Variants in RALGAPA1 observed in about 807,000 individuals in gnomAD.
RALGAPA1 encodes the protein Ral GTPase activating protein catalytic subunit alpha 1.
Under a neutral mutation model 269.6 loss-of-function variants are expected in RALGAPA1, and 52 were observed. The ratio of observed to expected loss-of-function variants is 0.19; its 90% confidence interval spans 0.15 to 0.24. The LOEUF is 0.24. Ranked by LOEUF, RALGAPA1 falls within the 10% of genes least tolerant of loss-of-function variation. RALGAPA1 has a pLI of 1.00. For synonymous variants in RALGAPA1, 817 were observed against 1,008.3 expected, an observed-to-expected ratio of 0.81 and a Z score of 3.60; for missense variants, 1,917 against 3,013.9, an observed-to-expected ratio of 0.64 and a Z score of 8.52.
At chr14:35,775,516 G>C (rs2141560317) in intron 2 of RALGAPA1, 119 bp downstream of exon 2, 2 of 1,286,548 alleles carry the variant, frequency 1.6e-6, no homozygotes, top group Non-Finnish European at 2.1e-6. Flanking sequence ...GTGTGAGAGG[G>C]AAAGCAAAAA....
intron 12 of RALGAPA1, among the ~76,000 whole-genome samples, chr14:35,733,537 C>T (rs868851873): frequency 1.4e-4 from 22 of 152,070 alleles, no homozygotes; most frequent in Middle Eastern, 6.8e-3. Context: ...ACAATAATGA[C>T]ACAATCTATC....
chr14:35,728,565 TTA>T, intron 12 of RALGAPA1, 55 bp from the exon 13 acceptor site: 2 of 1,514,400 alleles, frequency 1.3e-6, no homozygotes, highest in Non-Finnish European at 1.8e-6. Context: ...GGCAAATTTC[TTA>T]TTCAAAGAGA....
At chr14:35,796,981 G>A (rs1434198710) in intron 1 of RALGAPA1, among the ~76,000 whole-genome samples, 3 of 152,050 alleles carry the variant, frequency 2.0e-5, no homozygotes, top group South Asian at 2.1e-4. Context: ...TAGAGACAGG[G>A]TTTCACCGTG....
chr14:35,801,972 C>G (rs1384960766), intron 1 of RALGAPA1, among the ~76,000 whole-genome samples: 1 of 152,178 alleles, frequency 6.6e-6, no homozygotes, highest in South Asian at 2.1e-4. Context: ...ACTGTATTTG[C>G]AGACTGATTC....
rs1595346239 is a variant in RALGAPA1 at position 35,728,653 on chromosome 14, T to C, written c.1588-143A>G. On this transcript the variant is annotated intron_variant, in intron 12 of 41. Coordinates refer to ENST00000680220, the MANE Select transcript of RALGAPA1 (RefSeq NM_001346249.2). ...ACATAAACTCATTAAACCTACCTAT[T>C]TTTATGTTTACCTAGACAAATATAA... is the stretch of plus-strand genomic sequence containing the variant. The C allele has an allele frequency of 3.1e-6, 4 of 1,288,414 alleles. No homozygotes were observed. In the South Asian group the frequency reaches 1.2e-4, roughly 39 times the overall value. 79.8% of individuals were successfully genotyped at this position (1,288,414 alleles called of 1,614,324 possible).
rs2066316574 is a variant in RALGAPA1, at chr14:35,689,710, G to A, written c.2701C>T (p.Leu901=). 1 of 1,423,030 alleles carries A rather than the reference G, an allele frequency of 7.0e-7. No individual in the cohort carries two copies. Among genetic ancestry groups the A allele is most frequent in the East Asian group, 2.7e-5 (1 of 36,914 alleles). 88.2% of individuals were successfully genotyped at this position (1,423,030 alleles called of 1,614,324 possible). The change falls in exon 18 of 42, where the codon CTG becomes TTG. Residue 901 remains leucine (L), a synonymous_variant. Transcript: ENST00000680220. ...ITDTHSRESS[L]EVGDSIYDHL... is the part of the protein sequence containing the mutation. ...TCATATATGCTATCACCAACTTCCA[G>A]AGAAGACTCTCTACTATGAGTATCA...
intron 1 of RALGAPA1, among the ~76,000 whole-genome samples, chr14:35,781,571 A>T (rs939273940): frequency 5.9e-5 from 4 of 68,220 alleles, no homozygotes; most frequent in Non-Finnish European, 1.1e-4. Flanking sequence ...ATACTAGAAA[A>T]CTGAATCTAT....
chr14:35,774,547 G>A (rs1211321630), intron 3 of RALGAPA1, among the ~76,000 whole-genome samples: 1 of 151,684 alleles, frequency 6.6e-6, no homozygotes, highest in African/African-American at 2.4e-5. Flanking sequence ...CCAATCTAAT[G>A]TAAAATGACA....
chr14:35,698,073 A>G (rs2067038103), intron 17 of RALGAPA1, among the ~76,000 whole-genome samples: 1 of 152,108 alleles, frequency 6.6e-6, no homozygotes, highest in African/African-American at 2.4e-5. Flanking sequence ...ATCAGATATA[A>G]AGTTTGTTTT....
chr14:35,679,296 C>T (rs2065212966), intron 21 of RALGAPA1, among the ~76,000 whole-genome samples: 1 of 152,186 alleles, frequency 6.6e-6, no homozygotes, highest in South Asian at 2.1e-4. Flanking sequence ...CCTCTTTCTA[C>T]ACAGTAAAGC....
At chr14:35,544,507 A>G (rs1381125490) in intron 41 of RALGAPA1, among the ~76,000 whole-genome samples, 1 of 152,226 alleles carries the variant, frequency 6.6e-6, no homozygotes, top group East Asian at 1.9e-4. Flanking sequence ...ACTCAGTAAT[A>G]GCACAATTAT....
chr14:35,683,506 C>CAT (rs1449823572), intron 21 of RALGAPA1: 1 of 197,058 alleles, frequency 5.1e-6, no homozygotes, highest in African/African-American at 2.3e-5. Flanking sequence ...ACTCCATATA[C>CAT]ATATACATCT....
chr14:35,615,415 CT>C (rs2060188502), intron 35 of RALGAPA1, among the ~76,000 whole-genome samples: 1 of 152,142 alleles, frequency 6.6e-6, no homozygotes, highest in African/African-American at 2.4e-5. Context: ...ACAAAGTAAT[CT>C]TTCATTTTCT....
intron 13 of RALGAPA1, among the ~76,000 whole-genome samples, chr14:35,726,958 G>A (rs1329147134): frequency 6.6e-6 from 1 of 152,104 alleles, no homozygotes; most frequent in African/African-American, 2.4e-5. Context: ...TAAGAATTAA[G>A]TAAGAAAATA....
At chr14:35,551,467 C>A (rs1248587703) in intron 39 of RALGAPA1, among the ~76,000 whole-genome samples, 1 of 152,136 alleles carries the variant, frequency 6.6e-6, no homozygotes, top group Non-Finnish European at 1.5e-5. Flanking sequence ...GCTATCAAAA[C>A]AAGCTGTTTT....
intron 21 of RALGAPA1, among the ~76,000 whole-genome samples, chr14:35,682,252 T>C (rs1209590411): frequency 6.6e-6 from 1 of 152,086 alleles, no homozygotes; most frequent in Non-Finnish European, 1.5e-5. Flanking sequence ...TAGCAATGTA[T>C]GCGATTCTAG....
intron 39 of RALGAPA1, among the ~76,000 whole-genome samples, chr14:35,556,406 C>T (rs1270865567): frequency 6.6e-6 from 1 of 152,144 alleles, no homozygotes; most frequent in African/African-American, 2.4e-5. Flanking sequence ...TATTCCATTT[C>T]TTTCCTACTG....
At chr14:35,806,078 A>G (rs974952096) in intron 1 of RALGAPA1, among the ~76,000 whole-genome samples, 1 of 152,226 alleles carries the variant, frequency 6.6e-6, no homozygotes, top group Non-Finnish European at 1.5e-5. Flanking sequence ...TTCAGGAGAT[A>G]TACATATGTA....
intron 20 of RALGAPA1, among the ~76,000 whole-genome samples, chr14:35,684,259 A>G (rs1175714443): frequency 6.6e-6 from 1 of 152,184 alleles, no homozygotes; most frequent in Non-Finnish European, 1.5e-5. Context: ...TCTTTTTTAA[A>G]AATTTGGTGC....
Sources: allele counts gnomAD v4.1 joint callset (sites outside exome capture counted in the v4.1 genomes callset), GRCh38; gene constraint gnomAD v4.1.1; transcripts MANE v1.5; gene names NCBI Gene and HGNC (gene_info 2026-07-23, HGNC 2026-07-21).